MGLL: variants seen among roughly 807,000 people sequenced by gnomAD.
MGLL encodes monoglyceride lipase, also known as lysophospholipase homolog.
In MGLL, 7 loss-of-function variants were observed where a neutral mutation model predicts 29.1. That is an observed-to-expected ratio of 0.24 (90% CI 0.14 to 0.45). The LOEUF (loss-of-function observed/expected upper bound fraction) is 0.45, where lower values mean the gene tolerates loss of function less well. Ranked by LOEUF, MGLL falls within the 20% of genes least tolerant of loss-of-function variation. The probability of loss-of-function intolerance (pLI) is 0.99; values close to 1 mark genes in which losing one functional copy is unlikely to be tolerated. For missense variants in MGLL, 356 were observed against 413.6 expected, an observed-to-expected ratio of 0.86 and a Z score of 1.21; for synonymous variants, 148 against 168.3, an observed-to-expected ratio of 0.88 and a Z score of 0.93.
At chr3:127,782,009 T>C in intron 2 of MGLL, 114 bp from the exon 3 acceptor site, 1 of 940,850 alleles carries the variant, frequency 1.1e-6, no homozygotes, top group South Asian at 1.4e-5. Context: ...TTGCCTGAGC[T>C]CAGGAGTTTG....
chr3:127,776,088 G>GC (rs766546349), intron 3 of MGLL, among the ~76,000 whole-genome samples: 3 of 152,190 alleles, frequency 2.0e-5, no homozygotes, highest in Non-Finnish European at 4.4e-5. Context: ...CATGGCAGCA[G>GC]CCCCTCCGTT....
chr3:127,784,595 G>T (rs867580981), intron 2 of MGLL, among the ~76,000 whole-genome samples: 1 of 152,112 alleles, frequency 6.6e-6, no homozygotes, highest in Non-Finnish European at 1.5e-5. Flanking sequence ...GGAAGAGCCC[G>T]TTGGCAGCAC....
At chr3:127,822,539 C>T, upstream of MGLL, 1 of 592,992 alleles carries the variant, frequency 1.7e-6, no homozygotes, top group Non-Finnish European at 3.0e-6. Flanking sequence ...CTCCCCAGGG[C>T]GGGGAGCGGC....
chr3:127,747,367 C>T (rs747836419), intron 3 of MGLL, among the ~76,000 whole-genome samples: 2 of 152,208 alleles, frequency 1.3e-5, no homozygotes, highest in African/African-American at 2.4e-5. Flanking sequence ...CCAGCCTTCT[C>T]CTGTGTGTCT....
chr3:127,722,550 G>T lies in MGLL; in HGVS notation c.279C>A (p.Ser93Arg). The T allele has an allele frequency of 6.2e-7, 1 of 1,614,166 alleles. No homozygotes were observed. Among genetic ancestry groups the T allele is most frequent in the Non-Finnish European group, 8.5e-7 (1 of 1,180,024 alleles). Residue 93 changes from serine (S) to arginine (R), a missense_variant, in exon 4 of 8, where the codon AGC becomes AGA. Transcript: ENST00000265052. The part of the protein sequence containing the change: ...FAHDHVGHGQ[S>R]EGERMVVSDF... ...CAGACACTACCATCCTCTCCCCTTC[G>T]CTCTGTCCGTGGCCAACTGGAAAGG... is the stretch of plus-strand genomic sequence containing the variant.
intron 6 of MGLL, among the ~76,000 whole-genome samples, chr3:127,706,496 G>T (rs2075604436): frequency 6.6e-6 from 1 of 152,190 alleles, no homozygotes; most frequent in Admixed American, 6.5e-5. Flanking sequence ...GCAGGAGTGG[G>T]ACTGGGAGCG....
rs1203341529 is a variant in MGLL, at chr3:127,761,495, A to G, written c.262+20294T>C. Among the ~76,000 whole-genome samples, 2 of 152,256 alleles carry G rather than the reference A, an allele frequency of 1.3e-5. No individual in the cohort carries two copies. Among genetic ancestry groups the G allele is most frequent in the Non-Finnish European group, 2.9e-5 (2 of 68,050 alleles). On this transcript the variant is annotated intron_variant, in intron 3 of 7. Transcript: ENST00000265052. This position sits in a 1 kb window ranked among gnomAD's most constrained non-coding sequence, Gnocchi z 4.6. ...ACAGAACACTCAGAGACAGCAGTCAAAGAGGCCACTTCTGCACTGCCTGGA... is the reference window on the plus strand; with the variant it reads ...ACAGAACACTCAGAGACAGCAGTCAGAGAGGCCACTTCTGCACTGCCTGGA...
At chr3:127,730,572 T>C (rs1323410600) in intron 3 of MGLL, among the ~76,000 whole-genome samples, 1 of 152,158 alleles carries the variant, frequency 6.6e-6, no homozygotes, top group Non-Finnish European at 1.5e-5. Context: ...CAGGTGCAGC[T>C]TCCGGAAGAG....
chr3:127,720,764 CTT>C (rs2075902742), intron 5 of MGLL, among the ~76,000 whole-genome samples: 1 of 152,224 alleles, frequency 6.6e-6, no homozygotes, highest in South Asian at 2.1e-4. Flanking sequence ...ACAAACGTGA[CTT>C]TGCTGGACAA....
At chr3:127,739,990 G>A (rs1294578177) in intron 3 of MGLL, among the ~76,000 whole-genome samples, 1 of 152,212 alleles carries the variant, frequency 6.6e-6, no homozygotes, top group African/African-American at 2.4e-5. Flanking sequence ...TTGCCTGTGT[G>A]GGAGCCCGCT....
At chr3:127,703,829 G>T (rs1296107718) in intron 6 of MGLL, among the ~76,000 whole-genome samples, 5 of 152,186 alleles carry the variant, frequency 3.3e-5, no homozygotes, top group Admixed American at 3.3e-4. Flanking sequence ...CACATAAGGG[G>T]TTAATATCCA....
intron 3 of MGLL, among the ~76,000 whole-genome samples, chr3:127,749,601 C>T (rs778665149): frequency 6.6e-6 from 1 of 152,176 alleles, no homozygotes; most frequent in Non-Finnish European, 1.5e-5. Context: ...GTGGACATTG[C>T]ACCCCTCGCC....
chr3:127,806,048 T>C (rs571990074), intron 2 of MGLL, among the ~76,000 whole-genome samples: 28 of 152,332 alleles, frequency 1.8e-4, no homozygotes, highest in African/African-American at 6.7e-4. Flanking sequence ...GGGGCCTCAG[T>C]GGAGATAGAG....
intron 3 of MGLL, among the ~76,000 whole-genome samples, chr3:127,766,445 CT>C (rs762361746): frequency 2.4e-4 from 36 of 152,218 alleles, no homozygotes; most frequent in Non-Finnish European, 5.1e-4. Context: ...CGTAGTGCCC[CT>C]GGCTCTTTTC....
At chr3:127,773,031 C>T in intron 3 of MGLL, among the ~76,000 whole-genome samples, 1 of 152,236 alleles carries the variant, frequency 6.6e-6, no homozygotes. Flanking sequence ...TCTGTTACAG[C>T]AGCCTGGACG....
At chr3:127,702,808 C>T (rs1376022804) in intron 6 of MGLL, among the ~76,000 whole-genome samples, 3 of 152,314 alleles carry the variant, frequency 2.0e-5, no homozygotes, top group East Asian at 1.9e-4. Context: ...GATTCTCCTG[C>T]CTCAGCCTCC....
chr3:127,728,194 C>A (rs561954048), intron 3 of MGLL, among the ~76,000 whole-genome samples: 10 of 152,344 alleles, frequency 6.6e-5, no homozygotes, highest in Non-Finnish European at 1.2e-4. Flanking sequence ...AGTCTCACTT[C>A]TACCCCATCT....
chr3:127,804,316 G>A (rs4974415), intron 2 of MGLL, among the ~76,000 whole-genome samples: 2 of 152,208 alleles, frequency 1.3e-5, no homozygotes, highest in East Asian at 1.9e-4. Context: ...GCAGGGCCAC[G>A]GGGCGGACCA....
intron 3 of MGLL, among the ~76,000 whole-genome samples, chr3:127,776,018 C>G (rs980518507): frequency 6.6e-6 from 1 of 152,214 alleles, no homozygotes; most frequent in Non-Finnish European, 1.5e-5. Flanking sequence ...CCGGTTTTCT[C>G]CCTGCTATAT....
Sources: allele counts gnomAD v4.1 joint callset (sites outside exome capture counted in the v4.1 genomes callset), GRCh38; gene constraint gnomAD v4.1.1; non-coding constraint Gnocchi (gnomAD v3.1); transcripts MANE v1.5; gene names NCBI Gene and HGNC (gene_info 2026-07-23, HGNC 2026-07-21).